The following PAN3 variants were observed in gnomAD, a reference collection of about 807,000 sequenced individuals.
The protein encoded by PAN3 is PAN2-PAN3 deadenylation complex subunit PAN3.
In PAN3, 19 loss-of-function variants were observed where a neutral mutation model predicts 96.2. The observed-to-expected ratio is 0.20, with a 90% CI of 0.14 to 0.29. The LOEUF is 0.29. PAN3 is among the 10% of genes least tolerant of loss of function. The pLI, the probability that PAN3 is intolerant of heterozygous loss-of-function variation, is 1.00. For synonymous variants in PAN3, 433 were observed against 406.6 expected (o/e 1.06, Z -0.78); for missense variants, 882 against 1,108.1 (o/e 0.80, Z 2.90).
At chr13:28,162,048 C>G (rs1311165714) in intron 1 of PAN3, among the ~76,000 whole-genome samples, 1 of 152,180 alleles carries the variant, frequency 6.6e-6, no homozygotes, top group African/African-American at 2.4e-5. Flanking sequence ...AAAAAGCAGG[C>G]TACTTTTTGC....
rs199784661 is a variant in PAN3 at position 28,176,502 on chromosome 13, A to G, written c.562A>G (p.Asn188Asp). 3.1e-6 allele frequency: 5 copies of G among 1,613,472 alleles called. No individual in the cohort carries two copies. Among genetic ancestry groups the G allele is most frequent in the South Asian group, 1.1e-5 (1 of 91,070 alleles). The change falls in exon 3 of 19, where the codon AAT becomes GAT. Residue 188 changes from asparagine (N) to aspartate (D), a missense_variant. By Grantham distance (23) the Asn-to-Asp change is conservative (BLOSUM62 1). This residue lies in a region of PAN3 where 442 missense variants were observed against 422.8 expected (regional missense o/e 1.05). Coordinates refer to ENST00000380958, the MANE Select transcript of PAN3 (RefSeq NM_175854.8). ...TKYPLMQRMTNSSSSPSLLND... is the reference protein window; with the variant it reads ...TKYPLMQRMTDSSSSPSLLND... The stretch of plus-strand genomic sequence containing the variant: ...ATATTTTGTTTTTCAGAGAATGACT[A>G]ATAGTAGCAGCTCCCCAAGCCTTCT...
At chr13:28,207,730 A>G (rs1879545683) in intron 5 of PAN3, among the ~76,000 whole-genome samples, 1 of 152,224 alleles carries the variant, frequency 6.6e-6, no homozygotes, top group South Asian at 2.1e-4. Flanking sequence ...TTATTCATTT[A>G]TAGAACTTAT....
At chr13:28,177,460 C>T (rs1458189879) in intron 3 of PAN3, among the ~76,000 whole-genome samples, 1 of 152,128 alleles carries the variant, frequency 6.6e-6, no homozygotes. Flanking sequence ...CAGGATCTCT[C>T]AGAGTCTATG....
At chr13:28,216,162 G>A (rs1372015121) in intron 5 of PAN3, among the ~76,000 whole-genome samples, 2 of 149,436 alleles carry the variant, frequency 1.3e-5, no homozygotes, top group South Asian at 2.1e-4. Flanking sequence ...AAATTCTGTC[G>A]CAGAATTTTG....
intron 4 of PAN3, among the ~76,000 whole-genome samples, chr13:28,191,516 A>G (rs1453359424): frequency 6.6e-6 from 1 of 152,116 alleles, no homozygotes; most frequent in Non-Finnish European, 1.5e-5. Context: ...TAAACATCCT[A>G]CAATGCACAA....
chr13:28,147,880 CT>C (rs769971140), intron 1 of PAN3, among the ~76,000 whole-genome samples: 27 of 152,110 alleles, frequency 1.8e-4, no homozygotes, highest in Non-Finnish European at 4.0e-4. Flanking sequence ...TCTGATACCT[CT>C]TTTGGCATTC....
intron 5 of PAN3, among the ~76,000 whole-genome samples, chr13:28,216,351 A>G (rs1244521480): frequency 6.6e-6 from 1 of 152,040 alleles, no homozygotes; most frequent in African/African-American, 2.4e-5. Context: ...GAAAGGAGAG[A>G]GGGGTTTATA....
In PAN3 at chr13:28,267,276, T is replaced by C. The variant is rs764974396; in HGVS notation, c.1691-24T>C. 8 of 1,612,410 alleles carry C rather than the reference T, an allele frequency of 5.0e-6. No individual in the cohort carries two copies. In the Admixed American group the frequency reaches 1.3e-4, roughly 27 times the overall value. On this transcript the variant is annotated intron_variant, in intron 11 of 18. Coordinates refer to ENST00000380958, the MANE Select transcript of PAN3 (RefSeq NM_175854.8). ...ATTATTTGAAGCCAGCTTTCAGTAA[T>C]GAGTGTTTGTGTTTTATTTTAAGCT...
chr13:28,283,781 T>A (rs528205660), intron 17 of PAN3, among the ~76,000 whole-genome samples: 1 of 152,310 alleles, frequency 6.6e-6, no homozygotes, highest in South Asian at 2.1e-4. Context: ...GTTAAATAAC[T>A]TGAACAAAGG....
chr13:28,263,205 G>A (rs1418702840), intron 9 of PAN3, among the ~76,000 whole-genome samples: 5 of 152,216 alleles, frequency 3.3e-5, no homozygotes, highest in African/African-American at 1.2e-4. Flanking sequence ...AATCAATGTG[G>A]TGATAGCACA....
chr13:28,239,216 C>A (rs2138490720), intron 6 of PAN3, among the ~76,000 whole-genome samples: 1 of 142,488 alleles, frequency 7.0e-6, no homozygotes, highest in East Asian at 2.1e-4. Context: ...CACACACACA[C>A]ACACACGGAA....
intron 1 of PAN3, among the ~76,000 whole-genome samples, chr13:28,156,382 C>T (rs1413489255): frequency 1.3e-5 from 2 of 152,060 alleles, no homozygotes; most frequent in Admixed American, 1.3e-4. Context: ...CTGAACAGAG[C>T]AATAATGAAT....
chr13:28,257,756 T>TATTATATA (rs1333586560), intron 7 of PAN3, among the ~76,000 whole-genome samples: 33 of 135,194 alleles, frequency 2.4e-4, no homozygotes, highest in African/African-American at 9.1e-4. Flanking sequence ...TAATATATAA[T>TATTATATA]TAATTATATA....
At chr13:28,158,050 T>G (rs1872442802) in intron 1 of PAN3, among the ~76,000 whole-genome samples, 1 of 152,162 alleles carries the variant, frequency 6.6e-6, no homozygotes, top group African/African-American at 2.4e-5. Context: ...GCCTCACACC[T>G]ACAACCATCT....
chr13:28,198,399 A>C (rs1349709886), intron 5 of PAN3, among the ~76,000 whole-genome samples: 1 of 152,238 alleles, frequency 6.6e-6, no homozygotes, highest in African/African-American at 2.4e-5. Context: ...TTACTAGGAA[A>C]CAAAAATTAT....
chr13:28,166,647 G>C (rs765156174), intron 1 of PAN3, among the ~76,000 whole-genome samples: 1 of 152,208 alleles, frequency 6.6e-6, no homozygotes, highest in African/African-American at 2.4e-5. Flanking sequence ...GCAGTTCTCT[G>C]TCTAGCCCCT....
chr13:28,168,095 T>A (rs768344237), intron 1 of PAN3, among the ~76,000 whole-genome samples: 12 of 152,210 alleles, frequency 7.9e-5, no homozygotes, highest in Non-Finnish European at 1.6e-4. Context: ...CATTGTGGAT[T>A]AAGTTTCAAT....
intron 4 of PAN3, among the ~76,000 whole-genome samples, chr13:28,181,982 T>C (rs543732153): frequency 6.6e-6 from 1 of 152,358 alleles, no homozygotes; most frequent in African/African-American, 2.4e-5. Flanking sequence ...GATTATTACA[T>C]GAGTAAACCT....
Position 28,272,035 on chromosome 13 carries a change from A to G in PAN3, c.2013A>G (p.Gln671=), listed in dbSNP as rs756186950. ...VFDVLTFDNS[Q]NNNPLALMAQ... is the part of the protein sequence containing the mutation. ...ATGTTTTAACATTTGATAACAGTCA[A>G]AATAATAATCCATTGGCATTAATGG... is the stretch of plus-strand genomic sequence containing the variant. The change falls in exon 14 of 19, where the codon CAA becomes CAG. Residue 671 remains glutamine (Q), a synonymous_variant. Transcript: ENST00000380958. 2 of 1,593,960 alleles carry G rather than the reference A, an allele frequency of 1.3e-6. No homozygotes were observed. Among genetic ancestry groups the G allele is most frequent in the Non-Finnish European group, 1.7e-6 (2 of 1,165,410 alleles).
Sources: allele counts gnomAD v4.1 joint callset (sites outside exome capture counted in the v4.1 genomes callset), GRCh38; gene constraint gnomAD v4.1.1; regional missense constraint gnomAD v4.1.1; transcripts MANE v1.5; gene names NCBI Gene and HGNC (gene_info 2026-07-23, HGNC 2026-07-21).